The following LDAH variants were observed in gnomAD, a reference collection of about 807,000 sequenced individuals.
The protein encoded by LDAH is lipid droplet associated hydrolase.
A neutral mutation model predicts 29.6 loss-of-function variants in LDAH; 26 were observed. The observed-to-expected ratio is 0.88, with a 90% CI of 0.64 to 1.22. The LOEUF (loss-of-function observed/expected upper bound fraction) is 1.22, where lower values mean the gene tolerates loss of function less well. Ranked by LOEUF, LDAH falls within the 50% of genes most tolerant of loss-of-function variation. The pLI, the probability that LDAH is intolerant of heterozygous loss-of-function variation, is 0.00. For missense variants in LDAH, 344 were observed against 387.3 expected, an observed-to-expected ratio of 0.89 and a Z score of 0.94; for synonymous variants, 117 against 133.0, an observed-to-expected ratio of 0.88 and a Z score of 0.83.
At chr2:20,717,195 G>A (rs987868402) in intron 5 of LDAH, among the ~76,000 whole-genome samples, 4 of 152,034 alleles carry the variant, frequency 2.6e-5, no homozygotes, top group African/African-American at 9.7e-5. Context: ...CTTTGGGGTA[G>A]GAAAAGATTC....
chr2:20,821,371 G>A (rs1439331507), intron 1 of LDAH, among the ~76,000 whole-genome samples: 1 of 152,140 alleles, frequency 6.6e-6, no homozygotes, highest in African/African-American at 2.4e-5. Flanking sequence ...CAACCCAAAC[G>A]TCCAACAATG....
chr2:20,778,397 T>C (rs1004853060), intron 3 of LDAH, among the ~76,000 whole-genome samples: 2 of 152,186 alleles, frequency 1.3e-5, no homozygotes, highest in Admixed American at 6.5e-5. Flanking sequence ...TAACTTTTTG[T>C]CTAATCGTTC....
Position 20,775,039 on chromosome 2 carries a change from A to G in LDAH, c.299-60T>C, listed in dbSNP as rs1669711379. 6.3e-6 allele frequency: 9 copies of G among 1,418,718 alleles called. No individual in the cohort carries two copies. In the South Asian group the frequency reaches 1.2e-4, roughly 18 times the overall value. 87.9% of individuals were successfully genotyped at this position (1,418,718 alleles called of 1,614,324 possible). On this transcript the variant is annotated intron_variant, in intron 3 of 6. Transcript: ENST00000237822. ...TAAAAGTAATCACTGAAAAAAGATC[A>G]AGAAAAAGATAACAATCATGATAAA...
intron 2 of LDAH, 65 bp from the exon 3 acceptor site, chr2:20,790,463 G>T: frequency 7.2e-7 from 1 of 1,393,210 alleles, no homozygotes; most frequent in Non-Finnish European, 1.0e-6. Flanking sequence ...TGACACGCAG[G>T]CTAGAAAAGA....
chr2:20,792,088 T>C (rs2125077051), intron 2 of LDAH, among the ~76,000 whole-genome samples: 1 of 152,252 alleles, frequency 6.6e-6, no homozygotes, highest in East Asian at 1.9e-4. Context: ...TTTTCACTAG[T>C]TTCAATTCTT....
In LDAH at chr2:20,723,510, T is replaced by G. The variant is rs183048262; in HGVS notation, c.703+16461A>C. ...ATAATTTGTAAGGAGTCCTATTTTC[T>G]GAAAGTAAATTTTTTCATCAGGGAA... On this transcript the variant is annotated intron_variant, in intron 5 of 6. Transcript: ENST00000237822. 2.2e-3 allele frequency among the ~76,000 whole-genome samples: 333 copies of G among 152,326 alleles called. 1 individual carries two copies. The highest frequency in any genetic ancestry group is 6.4e-3 in the African/African-American group (265 of 41,576).
At chr2:20,807,461 C>T (rs551525509) in intron 1 of LDAH, among the ~76,000 whole-genome samples, 2 of 152,018 alleles carry the variant, frequency 1.3e-5, no homozygotes, top group Admixed American at 1.3e-4. Flanking sequence ...TATTAGCAGA[C>T]CAAATCTAGT....
At chr2:20,700,641 A>G (rs528879626) in intron 6 of LDAH, among the ~76,000 whole-genome samples, 31 of 152,328 alleles carry the variant, frequency 2.0e-4, no homozygotes, top group African/African-American at 7.5e-4. Flanking sequence ...TTTAAGACTA[A>G]TGCTGTCCAA....
rs576744934 is a variant in LDAH, at chr2:20,732,519, G to A, written c.703+7452C>T. On this transcript the variant is annotated intron_variant, in intron 5 of 6. Transcript: ENST00000237822. ...AGTGAAATCATCTGAGCCTCTAAATGTCTTTTTTTGGAAGTTTTAAAATTA... is the reference window on the plus strand; with the variant it reads ...AGTGAAATCATCTGAGCCTCTAAATATCTTTTTTTGGAAGTTTTAAAATTA... Among the ~76,000 whole-genome samples the A allele has an allele frequency of 1.2e-4, 18 of 152,212 alleles. No homozygotes were observed. The South Asian group carries it at 3.5e-3, about 30-fold the overall frequency.
chr2:20,745,161 G>A (rs1331334735), intron 4 of LDAH, among the ~76,000 whole-genome samples: 1 of 152,112 alleles, frequency 6.6e-6, no homozygotes, highest in Non-Finnish European at 1.5e-5. Flanking sequence ...TCTGTTGGCT[G>A]TATCACTTCA....
chr2:20,805,613 G>C (rs940327955), intron 1 of LDAH, among the ~76,000 whole-genome samples: 1 of 152,144 alleles, frequency 6.6e-6, no homozygotes, highest in African/African-American at 2.4e-5. Flanking sequence ...AGTAAGACTT[G>C]TGCTGGATAA....
chr2:20,710,658 C>T (rs61308639), intron 5 of LDAH, among the ~76,000 whole-genome samples: 4,833 of 132,004 alleles, frequency 0.037, 153 homozygotes, highest in East Asian at 0.13. Context: ...CATATATATA[C>T]ACATATATAT....
rs12470703 is a variant in LDAH, at chr2:20,698,948, T to C, written c.786+2622A>G. On this transcript the variant is annotated intron_variant, in intron 6 of 6. Coordinates refer to ENST00000237822, the MANE Select transcript of LDAH (RefSeq NM_021925.4). This position sits in a 1 kb window ranked among gnomAD's most constrained non-coding sequence, Gnocchi z 4.4. Reference sequence around the variant, plus strand: ...CTTGTGTCAAATGGAAATCCAGTGGTAGAAAATTTGGATTTAGAACCAAAG... The same window carrying C: ...CTTGTGTCAAATGGAAATCCAGTGGCAGAAAATTTGGATTTAGAACCAAAG... 0.017 allele frequency among the ~76,000 whole-genome samples: 2,581 copies of C among 152,270 alleles called. 14 individuals carry two copies. Among genetic ancestry groups the C allele is most frequent in the Non-Finnish European group, 0.023 (1,591 of 68,020 alleles).
At chr2:20,729,593 G>A (rs1351547506) in intron 5 of LDAH, among the ~76,000 whole-genome samples, 2 of 152,164 alleles carry the variant, frequency 1.3e-5, no homozygotes, top group South Asian at 2.1e-4. Context: ...GTCAGGATGA[G>A]GGGAACACCT....
chr2:20,702,700 T>C (rs992257550), intron 5 of LDAH, among the ~76,000 whole-genome samples: 3 of 152,212 alleles, frequency 2.0e-5, no homozygotes, highest in African/African-American at 7.2e-5. Context: ...AAACTTACTT[T>C]TTATTTTCTC....
intron 1 of LDAH, among the ~76,000 whole-genome samples, chr2:20,819,151 G>T (rs1673067790): frequency 6.6e-6 from 1 of 151,992 alleles, no homozygotes. Flanking sequence ...ACTGGAAAAA[G>T]GCAATTTGTT....
At chr2:20,687,374 G>A (rs141369858) in intron 6 of LDAH, among the ~76,000 whole-genome samples, 50 of 152,356 alleles carry the variant, frequency 3.3e-4, no homozygotes, top group African/African-American at 1.2e-3. Flanking sequence ...AAAGTTTTGT[G>A]TACTAAGGTT....
chr2:20,781,894 C>T (rs1670218442), intron 3 of LDAH, among the ~76,000 whole-genome samples: 1 of 152,116 alleles, frequency 6.6e-6, no homozygotes, highest in African/African-American at 2.4e-5. Flanking sequence ...TAGCAAAGAA[C>T]CCAGACTAAT....
intron 6 of LDAH, among the ~76,000 whole-genome samples, chr2:20,697,748 A>T (rs1411155466): frequency 6.6e-6 from 1 of 152,186 alleles, no homozygotes; most frequent in Non-Finnish European, 1.5e-5. Flanking sequence ...ACAGGTCCAG[A>T]GGTTTGGAGA....
Sources: allele counts gnomAD v4.1 joint callset (sites outside exome capture counted in the v4.1 genomes callset), GRCh38; gene constraint gnomAD v4.1.1; non-coding constraint Gnocchi (gnomAD v3.1); transcripts MANE v1.5; gene names NCBI Gene and HGNC (gene_info 2026-07-23, HGNC 2026-07-21).